ZNF420: variants seen among roughly 807,000 people sequenced by gnomAD.
The protein encoded by ZNF420 is zinc finger protein 420, also known as ATM and p53-associated KZNF protein.
Under a neutral mutation model 44.7 loss-of-function variants are expected in ZNF420, and 31 were observed. The ratio of observed to expected loss-of-function variants is 0.69; its 90% CI spans 0.52 to 0.94. The LOEUF (loss-of-function observed/expected upper bound fraction) is 0.94, where lower values mean the gene tolerates loss of function less well. Ranked by LOEUF, ZNF420 falls within the 40% of genes least tolerant of loss-of-function variation. The pLI is 0.00. For synonymous variants in ZNF420, 245 were observed against 267.4 expected, an observed-to-expected ratio of 0.92 and a Z score of 0.82; for missense variants, 681 against 827.9, an observed-to-expected ratio of 0.82 and a Z score of 2.18.
At chr19:37,009,193 A>C (rs1008075606) in intron 1 of ZNF420, among the ~76,000 whole-genome samples, 1 of 152,116 alleles carries the variant, frequency 6.6e-6, no homozygotes, top group Non-Finnish European at 1.5e-5. Context: ...TTGGCAGCCA[A>C]TAATGTCAGG....
intron 1 of ZNF420, among the ~76,000 whole-genome samples, chr19:37,010,761 C>T (rs2074563527): frequency 6.6e-6 from 1 of 152,058 alleles, no homozygotes; most frequent in Non-Finnish European, 1.5e-5. Context: ...TGAGGAGAGG[C>T]GTCGGTCCTG....
chr19:37,124,891 C>T (rs1035468957), intron 4 of ZNF420, among the ~76,000 whole-genome samples: 1 of 151,944 alleles, frequency 6.6e-6, no homozygotes, highest in African/African-American at 2.4e-5. Context: ...GGCTGGTGTG[C>T]AGTGGCATGA....
At chr19:37,008,040 C>T (rs1367154780) in exon 1 of ZNF420, 4 of 235,336 alleles carry the variant, frequency 1.7e-5, no homozygotes, top group Admixed American at 1.1e-4. Context: ...CTAGGGGAAG[C>T]AGTACGGCGT....
At chr19:37,076,822 C>T (rs983655352), upstream of ZNF420, among the ~76,000 whole-genome samples, 7 of 152,040 alleles carry the variant, frequency 4.6e-5, no homozygotes, top group African/African-American at 1.2e-4. Context: ...TGAATAGTGC[C>T]GCAATAAACA....
intron 1 of ZNF420, among the ~76,000 whole-genome samples, chr19:37,015,263 G>A (rs2074601479): frequency 6.6e-6 from 1 of 152,206 alleles, no homozygotes; most frequent in Non-Finnish European, 1.5e-5. Context: ...TGGGCTGCGG[G>A]GCCCCACGTC....
chr19:37,107,173 G>GTGTCGGGCTGGGGGA (rs368631603), intron 4 of ZNF420: 1 of 151,996 alleles, frequency 6.6e-6, no homozygotes, highest in African/African-American at 2.4e-5. Flanking sequence ...CCCTTTTCGG[G>GTGTCGGGCTGGGGGA]TGTCGGGCTG....
rs1426202497 is a variant in ZNF420 at position 37,130,048 on chromosome 19, G to T, written c.*990G>T. On this transcript the variant is annotated 3_prime_UTR_variant, in exon 5 of 5. Transcript: ENST00000337995. Reference sequence around the variant, plus strand: ...GCTGAAAATCTCAGCCTTCCTTGCAGGTCAACAAGATAGAAGTGATATTTA... The same window carrying T: ...GCTGAAAATCTCAGCCTTCCTTGCATGTCAACAAGATAGAAGTGATATTTA... 1 of 1,543,432 alleles carries T rather than the reference G, an allele frequency of 6.5e-7. No homozygotes were observed. Among genetic ancestry groups the T allele is most frequent in the Non-Finnish European group, 8.7e-7 (1 of 1,143,938 alleles).
At chr19:37,099,202 G>A (rs1969624221) in intron 4 of ZNF420, among the ~76,000 whole-genome samples, 4 of 152,106 alleles carry the variant, frequency 2.6e-5, no homozygotes, top group Admixed American at 6.5e-5. Flanking sequence ...ATACCCAGTA[G>A]TTAGATTGTT....
intron 1 of ZNF420, among the ~76,000 whole-genome samples, chr19:37,016,681 C>T (rs2074611217): frequency 1.3e-5 from 2 of 152,210 alleles, no homozygotes; most frequent in Admixed American, 1.3e-4. Flanking sequence ...GTTCCCGTTG[C>T]TACTGGACAG....
chr19:37,107,386 T>C (rs1388078983), intron 4 of ZNF420: 1 of 152,256 alleles, frequency 6.6e-6, no homozygotes, highest in Non-Finnish European at 1.5e-5. Context: ...TCAAGCACTT[T>C]TTTTTAACAA....
At chr19:37,055,657 A>G (rs1176624039) in intron 1 of ZNF420, among the ~76,000 whole-genome samples, 2 of 152,212 alleles carry the variant, frequency 1.3e-5, no homozygotes, top group Non-Finnish European at 2.9e-5. Context: ...CAGTGACCCC[A>G]ATGGTTGCCT....
chr19:37,057,864 C>A (rs749133689), intron 1 of ZNF420, among the ~76,000 whole-genome samples: 1 of 152,108 alleles, frequency 6.6e-6, no homozygotes, highest in African/African-American at 2.4e-5. Flanking sequence ...TATCTCCTCG[C>A]GGCTTTTCTC....
intron 1 of ZNF420, among the ~76,000 whole-genome samples, chr19:37,018,652 C>G (rs758547279): frequency 6.6e-6 from 1 of 152,226 alleles, no homozygotes; most frequent in East Asian, 1.9e-4. Flanking sequence ...ACTGCAACTT[C>G]TGCCTCCTGG....
intron 4 of ZNF420, among the ~76,000 whole-genome samples, chr19:37,115,961 C>T (rs927534991): frequency 2.0e-5 from 3 of 152,134 alleles, no homozygotes; most frequent in African/African-American, 7.2e-5. Context: ...TAACAAAGCA[C>T]ATCCTGCATA....
chr19:37,082,966 C>G (rs1007357532), intron 2 of ZNF420, among the ~76,000 whole-genome samples: 4 of 152,088 alleles, frequency 2.6e-5, no homozygotes, highest in African/African-American at 9.7e-5. Context: ...TCCCCTCTAC[C>G]TGCTCCTTTC....
chr19:37,124,975 T>C (rs1054913364), intron 4 of ZNF420, among the ~76,000 whole-genome samples: 1 of 152,208 alleles, frequency 6.6e-6, no homozygotes, highest in African/African-American at 2.4e-5. Flanking sequence ...TAGCTGGGAT[T>C]ACAGGCACCC....
Position 37,129,062 on chromosome 19 carries a change from G to A in ZNF420, c.*4G>A. The A allele has an allele frequency of 6.2e-7, 1 of 1,606,130 alleles. No homozygotes were observed. Among genetic ancestry groups the A allele is most frequent in the Non-Finnish European group, 8.5e-7 (1 of 1,174,372 alleles). On this transcript the variant is annotated 3_prime_UTR_variant, in exon 5 of 5. Transcript: ENST00000337995. The stretch of plus-strand genomic sequence containing the variant: ...TGGCTCACAAGTTTACATGTGAATT[G>A]TCTGATTATTTGAGATCACTATGAA...
At chr19:37,092,183 C>A (rs571372656) in intron 4 of ZNF420, 48 of 152,094 alleles carry the variant, frequency 3.2e-4, no homozygotes, top group Admixed American at 8.5e-4. Context: ...TCCTCTGAAG[C>A]CTTTAGGAAG....
At chr19:37,112,103 TTC>T (rs1970412714) in intron 4 of ZNF420, among the ~76,000 whole-genome samples, 1 of 152,202 alleles carries the variant, frequency 6.6e-6, no homozygotes, top group South Asian at 2.1e-4. Flanking sequence ...ATACAGGTTT[TTC>T]TGTTTTCCAA....
Sources: gnomAD v4.1 joint callset for allele counts (sites outside exome capture counted in the v4.1 genomes callset) on GRCh38, gnomAD v4.1.1 for gene constraint, MANE v1.5 for transcripts, NCBI Gene and HGNC (gene_info 2026-07-23, HGNC 2026-07-21) for gene names.